CUL1: variants seen among roughly 807,000 people sequenced by gnomAD.
The protein encoded by CUL1 is cullin 1, also known as cullin-1.
A neutral mutation model predicts 118.0 loss-of-function variants in CUL1; 24 were observed. The observed-to-expected ratio is 0.20, with a 90% CI of 0.15 to 0.29. CUL1 has a LOEUF of 0.29. Ranked by LOEUF, CUL1 falls within the 10% of genes least tolerant of loss-of-function variation. The pLI is 1.00. For synonymous variants in CUL1, 332 were observed against 340.4 expected, an observed-to-expected ratio of 0.98 and a Z score of 0.27; for missense variants, 361 against 933.8, an observed-to-expected ratio of 0.39 and a Z score of 7.99.
chr7:148,724,482 G>A (rs879756417), intron 1 of CUL1, among the ~76,000 whole-genome samples: 2 of 152,182 alleles, frequency 1.3e-5, no homozygotes, highest in African/African-American at 2.4e-5. Flanking sequence ...AAACTCATGC[G>A]GGCTCCGGGA....
chr7:148,739,927 C>T (rs1272925437), intron 2 of CUL1, among the ~76,000 whole-genome samples: 1 of 152,094 alleles, frequency 6.6e-6, no homozygotes, highest in African/African-American at 2.4e-5. Context: ...GGTTAAATTT[C>T]CCCTGTGTGG....
chr7:148,777,265 A>G (rs1800433176), intron 9 of CUL1, among the ~76,000 whole-genome samples: 1 of 152,220 alleles, frequency 6.6e-6, no homozygotes, highest in African/African-American at 2.4e-5. Flanking sequence ...GAGATCAAAG[A>G]TTTAAAAATT....
intron 1 of CUL1, among the ~76,000 whole-genome samples, chr7:148,706,077 T>C (rs76695692): frequency 0.026 from 3,959 of 152,202 alleles, 162 homozygotes; most frequent in African/African-American, 0.089. Flanking sequence ...TGCACAACAG[T>C]TTATTCAGTG....
chr7:148,787,176 T>A lies in CUL1; in HGVS notation c.1479+56T>A. Reference sequence around the variant, plus strand: ...GCTTCTGAGTCATTATTAAAACAGCTCTATGGCCGAGCGCGGTGGCTCATG... The same window carrying A: ...GCTTCTGAGTCATTATTAAAACAGCACTATGGCCGAGCGCGGTGGCTCATG... On this transcript the variant is annotated intron_variant, in intron 13 of 21. Transcript: ENST00000325222. This position sits in a 1 kb window ranked among gnomAD's most constrained non-coding sequence, Gnocchi z 5.5. 6.3e-7 allele frequency: 1 copy of A among 1,587,842 alleles called. No individual in the cohort carries two copies.
intron 7 of CUL1, among the ~76,000 whole-genome samples, chr7:148,765,838 T>A (rs1410634971): frequency 6.6e-6 from 1 of 152,326 alleles, no homozygotes; most frequent in Non-Finnish European, 1.5e-5. Flanking sequence ...CTTATATTTG[T>A]GTGACTCTTG....
At chr7:148,766,462 A>G in intron 7 of CUL1, 99 bp from the exon 8 acceptor site, 1 of 1,060,408 alleles carries the variant, frequency 9.4e-7, no homozygotes, top group Non-Finnish European at 1.3e-6. Flanking sequence ...TGTGAATTTA[A>G]TTTGCCATTT....
chr7:148,743,780 T>A (rs1284118847), intron 2 of CUL1, among the ~76,000 whole-genome samples: 1 of 151,992 alleles, frequency 6.6e-6, no homozygotes, highest in East Asian at 1.9e-4. Flanking sequence ...ATACAAAAAT[T>A]AGCCGGTCAT....
At chr7:148,736,935 T>C (rs376828110) in intron 2 of CUL1, among the ~76,000 whole-genome samples, 11 of 152,254 alleles carry the variant, frequency 7.2e-5, no homozygotes, top group Admixed American at 2.0e-4. Context: ...CTGTCCCTTA[T>C]AAGGTGGTGG....
In CUL1 at chr7:148,799,833, C is replaced by T. The variant is rs116824759; in HGVS notation, c.2250+445C>T. Among the ~76,000 whole-genome samples, 1,293 of 152,316 alleles carry T rather than the reference C, an allele frequency of 8.5e-3. 20 individuals are homozygous for T. Among genetic ancestry groups the T allele is most frequent in the African/African-American group, 0.03 (1,236 of 41,552 alleles). Reference sequence around the variant, plus strand: ...TATCTTCGGGAGGTTCGTCGCATTGCGGTATCGAGAAGCACTGGGTCGTTT... The same window carrying T: ...TATCTTCGGGAGGTTCGTCGCATTGTGGTATCGAGAAGCACTGGGTCGTTT... On this transcript the variant is annotated intron_variant, in intron 21 of 21. Transcript: ENST00000325222.
At chr7:148,790,225 C>T in intron 15 of CUL1, 85 bp from the exon 16 acceptor site, 4 of 1,433,018 alleles carry the variant, frequency 2.8e-6, no homozygotes, top group Non-Finnish European at 3.9e-6. Flanking sequence ...GTACTGTAAG[C>T]TTGGAACAGT....
intron 1 of CUL1, among the ~76,000 whole-genome samples, chr7:148,707,159 C>A (rs952299779): frequency 6.6e-6 from 1 of 152,116 alleles, no homozygotes; most frequent in South Asian, 2.1e-4. Context: ...ATTTTAAAAT[C>A]ATCGAATGTG....
chr7:148,797,041 A>G (rs978315490), intron 17 of CUL1, among the ~76,000 whole-genome samples: 3 of 152,134 alleles, frequency 2.0e-5, no homozygotes, highest in African/African-American at 7.2e-5. Flanking sequence ...TCATGGGATC[A>G]TAAAGCTGTG....
At chr7:148,704,626 A>G (rs1797826643) in intron 1 of CUL1, among the ~76,000 whole-genome samples, 1 of 152,192 alleles carries the variant, frequency 6.6e-6, no homozygotes, top group Non-Finnish European at 1.5e-5. Context: ...CTTCCATAAT[A>G]CTGTATTTAA....
chr7:148,747,981 A>G lies in CUL1; in HGVS notation c.141-5995A>G, dbSNP rs192959601. ...ATAGAAAGGGGACCGGAAATATTTG[A>G]AGAGGTAATAGAATCTTCCAAAATT... is the stretch of plus-strand genomic sequence containing the variant. On this transcript the variant is annotated intron_variant, in intron 2 of 21. Coordinates refer to ENST00000325222, the MANE Select transcript of CUL1 (RefSeq NM_003592.3). Among the ~76,000 whole-genome samples the G allele has an allele frequency of 4.8e-3, 728 of 152,322 alleles. 8 individuals carry two copies. The highest frequency in any genetic ancestry group is 0.016 in the African/African-American group (684 of 41,558).
intron 7 of CUL1, among the ~76,000 whole-genome samples, chr7:148,766,275 C>T (rs903034046): frequency 6.6e-6 from 1 of 152,126 alleles, no homozygotes; most frequent in Non-Finnish European, 1.5e-5. Context: ...GGAAGGACTA[C>T]AGGCGCGTGC....
chr7:148,759,379 A>G, intron 5 of CUL1, 25 bp downstream of exon 5: 1 of 1,612,332 alleles, frequency 6.2e-7, no homozygotes, highest in Non-Finnish European at 8.5e-7. Flanking sequence ...GAGCGTGTGC[A>G]TGTTCCTTTT....
chr7:148,769,397 TCACACACACACACACACACA>T lies in CUL1; in HGVS notation c.1083+1681_1083+1700del, dbSNP rs55858322. ...TAAATGTTCCTTTAAAGGGCCTGAT[TCACACACACACACACACACA>T]CACACACACACACACACACACACAC... is the stretch of plus-strand genomic sequence containing the variant. On this transcript the variant is annotated intron_variant, in intron 9 of 21. Coordinates refer to ENST00000325222, the MANE Select transcript of CUL1 (RefSeq NM_003592.3). 1.4e-3 allele frequency among the ~76,000 whole-genome samples: 176 copies of T among 129,104 alleles called. No individual in the cohort carries two copies. The East Asian group carries it at 0.015, about 11-fold the overall frequency. The allele number at this position is 129,104 out of a possible 152,430, so 84.7% of individuals were successfully genotyped here. A position where few individuals can be genotyped will look rare whatever the true frequency, so the allele number is the denominator to read the frequency against.
At chr7:148,750,983 T>G (rs1424465159) in intron 2 of CUL1, among the ~76,000 whole-genome samples, 1 of 96,918 alleles carries the variant, frequency 1.0e-5, no homozygotes, top group Non-Finnish European at 2.1e-5. Context: ...TCCTGTCTCT[T>G]TAAAAAAAAA....
intron 14 of CUL1, among the ~76,000 whole-genome samples, chr7:148,789,228 A>G (rs973875077): frequency 3.3e-5 from 5 of 152,246 alleles, no homozygotes; most frequent in Admixed American, 1.3e-4. Flanking sequence ...TGACAATTCT[A>G]TTGTAAAACT....
Sources: allele counts gnomAD v4.1 joint callset (sites outside exome capture counted in the v4.1 genomes callset), GRCh38; gene constraint gnomAD v4.1.1; non-coding constraint Gnocchi (gnomAD v3.1); transcripts MANE v1.5; gene names NCBI Gene and HGNC (gene_info 2026-07-23, HGNC 2026-07-21).